FAM228B: variants seen among roughly 807,000 people sequenced by gnomAD.
FAM228B encodes the protein protein FAM228B.
In FAM228B, 38 loss-of-function variants were observed where a neutral mutation model predicts 42.6. The ratio of observed to expected loss-of-function variants is 0.89; its 90% CI spans 0.69 to 1.17. FAM228B has a LOEUF of 1.17. Among genes scored for constraint, FAM228B ranks in the 50% most tolerant of loss-of-function variants. FAM228B has a pLI of 0.00. For missense variants in FAM228B, 344 were observed against 367.3 expected, an observed-to-expected ratio of 0.94 and a Z score of 0.52; for synonymous variants, 109 against 122.3, an observed-to-expected ratio of 0.89 and a Z score of 0.72.
chr2:24,115,397 A>T, intron 3 of FAM228B: 1 of 593,152 alleles, frequency 1.7e-6, no homozygotes, highest in South Asian at 2.1e-5. Flanking sequence ...TTATTAAAAA[A>T]CAGTTGATCA....
intron 2 of FAM228B, among the ~76,000 whole-genome samples, chr2:24,094,029 CTTTTTTTTTTTTTTT>C (rs57620033): frequency 5.7e-4 from 44 of 77,380 alleles, no homozygotes; most frequent in South Asian, 1.3e-3. Context: ...TCGCCACATA[CTTTTTTTTTTTTTTT>C]TTTTTTTTTT....
chr2:24,152,385 T>TA (rs1667045853), intron 7 of FAM228B, among the ~76,000 whole-genome samples: 5 of 152,260 alleles, frequency 3.3e-5, no homozygotes, highest in Non-Finnish European at 5.9e-5. Flanking sequence ...GTGTTGATGC[T>TA]TATAGATATT....
intron 5 of FAM228B, among the ~76,000 whole-genome samples, chr2:24,145,303 A>G (rs1666867429): frequency 6.6e-6 from 1 of 152,158 alleles, no homozygotes; most frequent in African/African-American, 2.4e-5. Flanking sequence ...ATCCCCCGCA[A>G]AGCCTCACCA....
chr2:24,083,138 A>C (rs1447515003), intron 2 of FAM228B: 1 of 1,611,384 alleles, frequency 6.2e-7, no homozygotes, highest in Non-Finnish European at 8.5e-7. Flanking sequence ...GAGGTGGGTC[A>C]TACTGGCCTT....
intron 3 of FAM228B, among the ~76,000 whole-genome samples, chr2:24,098,551 G>C (rs1292810948): frequency 1.3e-5 from 2 of 152,124 alleles, no homozygotes; most frequent in Admixed American, 6.6e-5. Context: ...ATAAATTCCT[G>C]GAAACATACA....
In FAM228B at chr2:24,077,172, C is replaced by T. The variant is rs369599359; in HGVS notation, c.-290+203C>T. Among the ~76,000 whole-genome samples, 5 of 152,056 alleles carry T rather than the reference C, an allele frequency of 3.3e-5. No homozygotes were observed. In the East Asian group the frequency reaches 5.8e-4, roughly 18 times the overall value. ...GAGTAGCGGGCAGGGCTGGGGCCTG[C>T]TGTGGTGCCCACTGGTTGCGGGGCG... On this transcript the variant is annotated intron_variant, in intron 1 of 10. Transcript: ENST00000613899. The surrounding 1 kb of genome is among the most constrained non-coding windows in gnomAD (Gnocchi z 5.5).
intron 3 of FAM228B, among the ~76,000 whole-genome samples, chr2:24,098,461 T>C (rs903674734): frequency 2.6e-5 from 4 of 152,028 alleles, no homozygotes; most frequent in Admixed American, 2.0e-4. Context: ...TCACCACCAA[T>C]CCCACAGAAA....
chr2:24,082,009 C>G (rs1475270888), intron 2 of FAM228B, among the ~76,000 whole-genome samples: 1 of 149,524 alleles, frequency 6.7e-6, no homozygotes, highest in African/African-American at 2.5e-5. Flanking sequence ...CTTTCTTTTT[C>G]TTTGAGACAG....
At chr2:24,094,029 CTTTTTTT>C (rs57620033) in intron 2 of FAM228B, among the ~76,000 whole-genome samples, 139 of 77,392 alleles carry the variant, frequency 1.8e-3, no homozygotes, top group African/African-American at 4.6e-3. Flanking sequence ...TCGCCACATA[CTTTTTTT>C]TTTTTTTTTT....
At chr2:24,121,958 T>G (rs1434523205), upstream of FAM228B, among the ~76,000 whole-genome samples, 1 of 152,224 alleles carries the variant, frequency 6.6e-6, no homozygotes, top group East Asian at 1.9e-4. Flanking sequence ...CTTCAGGTAT[T>G]CCTTTATATC....
At chr2:24,167,858 T>C in intron 10 of FAM228B, 175 bp downstream of exon 10, 1 of 693,302 alleles carries the variant, frequency 1.4e-6, no homozygotes, top group East Asian at 3.1e-5. Flanking sequence ...TGTAAGGCAT[T>C]CTCTGGGCTT....
intron 7 of FAM228B, among the ~76,000 whole-genome samples, chr2:24,156,778 C>G (rs1178301209): frequency 7.9e-5 from 2 of 25,278 alleles, no homozygotes; most frequent in East Asian, 3.2e-3. Flanking sequence ...CTTTCCGCCC[C>G]CCCCCCCCCA....
At chr2:24,152,034 A>C (rs919227787) in intron 7 of FAM228B, among the ~76,000 whole-genome samples, 16 of 151,780 alleles carry the variant, frequency 1.1e-4, no homozygotes, top group African/African-American at 3.9e-4. Flanking sequence ...ATGCCTGGCT[A>C]ATTTTTCTAT....
intron 5 of FAM228B, among the ~76,000 whole-genome samples, chr2:24,144,592 G>A (rs1230454387): frequency 6.6e-6 from 1 of 152,184 alleles, no homozygotes; most frequent in Admixed American, 6.5e-5. Flanking sequence ...AGAGGGAGGT[G>A]AGGCAGCCTG....
At chr2:24,152,597 C>G (rs963076120) in intron 7 of FAM228B, among the ~76,000 whole-genome samples, 1 of 152,208 alleles carries the variant, frequency 6.6e-6, no homozygotes, top group Non-Finnish European at 1.5e-5. Flanking sequence ...GGCAGAGACT[C>G]CTGATATTTA....
At chr2:24,121,408 C>A (rs1301960479), upstream of FAM228B, 4 of 1,088,942 alleles carry the variant, frequency 3.7e-6, no homozygotes, top group South Asian at 1.7e-5. Context: ...GAATGGTTTT[C>A]ATGTTTTTAA....
intron 2 of FAM228B, chr2:24,081,021 C>T: frequency 6.2e-7 from 1 of 1,612,326 alleles, no homozygotes; most frequent in Non-Finnish European, 8.5e-7. Flanking sequence ...AGTCTCCAGC[C>T]TGAACATTTC....
intron 7 of FAM228B, among the ~76,000 whole-genome samples, chr2:24,154,776 T>G (rs993556701): frequency 1.3e-5 from 2 of 152,192 alleles, no homozygotes; most frequent in Admixed American, 6.5e-5. Context: ...AAAAGTTATG[T>G]TTTTGTAGAT....
chr2:24,077,691 C>T lies in FAM228B; in HGVS notation c.-290+722C>T, dbSNP rs1319176291. On this transcript the variant is annotated intron_variant, in intron 1 of 10. Coordinates refer to the FAM228B transcript ENST00000613899. This position sits in a 1 kb window ranked among gnomAD's most constrained non-coding sequence, Gnocchi z 5.5. ...GATTCTGTCCAGAACCGGCAGCAGA[C>T]GTTGGGGGCCCTCCGTGGAGAAGTG... The T allele has an allele frequency of 1.9e-6, 3 of 1,613,958 alleles. No individual in the cohort carries two copies. Among genetic ancestry groups the T allele is most frequent in the African/African-American group, 1.3e-5 (1 of 74,882 alleles).
Sources: gnomAD v4.1 joint callset for allele counts (sites outside exome capture counted in the v4.1 genomes callset) on GRCh38, gnomAD v4.1.1 for gene constraint, Gnocchi (gnomAD v3.1) non-coding constraint, MANE v1.5 for transcripts, NCBI Gene and HGNC (gene_info 2026-07-23, HGNC 2026-07-21) for gene names.